The following GSDMC variants were observed in gnomAD, a reference collection of about 807,000 sequenced individuals.
GSDMC encodes the protein gasdermin-C.
Under a neutral mutation model 58.0 loss-of-function variants are expected in GSDMC, and 59 were observed. The ratio of observed to expected loss-of-function variants is 1.02; its 90% CI spans 0.82 to 1.26. GSDMC has a LOEUF of 1.26. Ranked by LOEUF, GSDMC falls within the 50% of genes most tolerant of loss-of-function variation. GSDMC has a pLI of 0.00. For missense variants in GSDMC, 659 were observed against 598.5 expected (o/e 1.10, Z -1.06); for synonymous variants, 241 against 220.2 (o/e 1.09, Z -0.83).
the GSDMC span, among the ~76,000 whole-genome samples, chr8:129,730,897 T>C: frequency 1.5e-3 from 226 of 152,304 alleles, no homozygotes; most frequent in African/African-American, 4.6e-3. Context: ...TCTGTAATCA[T>C]GATGTGGTGG....
chr8:129,741,257 T>C, the GSDMC span, among the ~76,000 whole-genome samples: 1 of 152,152 alleles, frequency 6.6e-6, no homozygotes, highest in Non-Finnish European at 1.5e-5. Flanking sequence ...CTTTATAATA[T>C]ATTTTTAAAA....
At chr8:129,752,917 A>G in intron 6 of GSDMC, 97 bp from the exon 7 acceptor site, 3 of 1,567,734 alleles carry the variant, frequency 1.9e-6, no homozygotes, top group Non-Finnish European at 2.6e-6. Flanking sequence ...GGGCTCAATC[A>G]GTGCCAGTGC....
the GSDMC span, chr8:129,728,695 C>T: frequency 2.6e-6 from 1 of 382,792 alleles, no homozygotes; most frequent in Non-Finnish European, 5.0e-6. Context: ...ACTGGCTGCA[C>T]CAGCTCTTAC....
chr8:129,750,379 C>T (rs568393840), intron 11 of GSDMC, 52 bp downstream of exon 11: 2 of 1,564,336 alleles, frequency 1.3e-6, no homozygotes, highest in South Asian at 1.2e-5. Flanking sequence ...TATCTCCTAA[C>T]CAATCCCATT....
At chr8:129,709,590 T>TGATA in the GSDMC span, among the ~76,000 whole-genome samples, 32,465 of 145,838 alleles carry the variant, frequency 0.22, 3,701 homozygotes, top group Non-Finnish European at 0.24. Flanking sequence ...GATAGATAGA[T>TGATA]GATAGATAGA....
the GSDMC span, chr8:129,729,792 AAGG>A: frequency 1.6e-6 from 1 of 616,974 alleles, no homozygotes; most frequent in South Asian, 2.1e-5. Flanking sequence ...ATGAAATTTG[AAGG>A]AGGTGTGCAC....
chr8:129,778,148 A>G (rs1435651294), intron 1 of GSDMC, among the ~76,000 whole-genome samples: 1 of 152,202 alleles, frequency 6.6e-6, no homozygotes, highest in African/African-American at 2.4e-5. Flanking sequence ...CACACTGAGA[A>G]GTGACATTTG....
At chr8:129,763,743 AT>A (rs768281375) in intron 4 of GSDMC, among the ~76,000 whole-genome samples, 12 of 151,986 alleles carry the variant, frequency 7.9e-5, no homozygotes, top group Non-Finnish European at 1.2e-4. Context: ...CACCTGGCTA[AT>A]TTTTTGTTTA....
chr8:129,752,226 G>T, intron 7 of GSDMC, 79 bp from the exon 8 acceptor site: 1 of 1,097,710 alleles, frequency 9.1e-7, no homozygotes, highest in East Asian at 2.5e-5. Flanking sequence ...TTTCCCTCTT[G>T]GTCTCACCTC....
chr8:129,730,321 G>T, the GSDMC span: 1 of 1,351,308 alleles, frequency 7.4e-7, no homozygotes, highest in South Asian at 1.3e-5. Flanking sequence ...CACAGAATAA[G>T]CAAGTCACTG....
downstream of GSDMC, among the ~76,000 whole-genome samples, chr8:129,744,677 A>G (rs990945044): frequency 1.3e-5 from 2 of 152,244 alleles, no homozygotes; most frequent in Non-Finnish European, 2.9e-5. Flanking sequence ...GTATTCCAGC[A>G]GACAAATGAA....
the GSDMC span, among the ~76,000 whole-genome samples, chr8:129,724,798 G>A: frequency 6.6e-6 from 1 of 152,050 alleles, no homozygotes; most frequent in Non-Finnish European, 1.5e-5. Flanking sequence ...TCCCTTACTG[G>A]GGTGGGAGGG....
the GSDMC span, among the ~76,000 whole-genome samples, chr8:129,743,086 T>C: frequency 6.6e-6 from 1 of 152,206 alleles, no homozygotes; most frequent in East Asian, 1.9e-4. Context: ...CATCTTGGGA[T>C]AGTGTTCTTG....
At chr8:129,732,815 G>T in the GSDMC span, among the ~76,000 whole-genome samples, 1 of 152,226 alleles carries the variant, frequency 6.6e-6, no homozygotes, top group Non-Finnish European at 1.5e-5. Context: ...TGGTTGGACA[G>T]TGGGTGCAGC....
intron 12 of GSDMC, 37 bp from the exon 13 acceptor site, chr8:129,749,562 A>G: frequency 6.6e-7 from 1 of 1,508,638 alleles, no homozygotes; most frequent in Non-Finnish European, 9.2e-7. Flanking sequence ...GACAGTAGTG[A>G]AGAATCCAGA....
In GSDMC at chr8:129,750,540, T is replaced by A; in HGVS notation, c.974A>T (p.Gln325Leu). Residue 325 changes from glutamine to leucine, a missense_variant, in exon 11 of 14, where the codon CAG becomes CTG. Transcript: ENST00000276708. ...GAGCTGAGCCAGTGTCTTTATTTTC[T>A]GGAAAACCTCCTCTTGTAGATGCTT... ...NFKHLQEEVF[Q>L]KIKTLAQLSK... The A allele has an allele frequency of 6.2e-7, 1 of 1,614,076 alleles. No homozygotes were observed. Among genetic ancestry groups the A allele is most frequent in the Admixed American group, 1.7e-5 (1 of 60,012 alleles).
chr8:129,779,462 A>C (rs1586621159), intron 1 of GSDMC, among the ~76,000 whole-genome samples: 1 of 152,102 alleles, frequency 6.6e-6, no homozygotes, highest in South Asian at 2.1e-4. Flanking sequence ...AAGGTAGAGC[A>C]TGGAGGGTGG....
the GSDMC span, chr8:129,729,292 T>C: frequency 5.1e-6 from 3 of 591,768 alleles, no homozygotes; most frequent in Non-Finnish European, 9.6e-6. Context: ...CAGAAGCCTA[T>C]AGGCACATGA....
At chr8:129,750,148 A>G (rs1434414293) in intron 11 of GSDMC, 29 bp from the exon 12 acceptor site, 1 of 1,475,016 alleles carries the variant, frequency 6.8e-7, no homozygotes, top group East Asian at 2.3e-5. Flanking sequence ...ATTGTTAATA[A>G]TAATACTAAT....
Sources: allele counts gnomAD v4.1 joint callset (sites outside exome capture counted in the v4.1 genomes callset), GRCh38; gene constraint gnomAD v4.1.1; transcripts MANE v1.5; gene names NCBI Gene and HGNC (gene_info 2026-07-23, HGNC 2026-07-21).